Variants in MGAT3 observed in about 807,000 individuals in gnomAD.
MGAT3 encodes GlcNAc-T III.
A neutral mutation model predicts 29.8 loss-of-function variants in MGAT3; 9 were observed. The observed-to-expected ratio is 0.30, with a 90% confidence interval of 0.18 to 0.53. The LOEUF is 0.53. Ranked by LOEUF, MGAT3 falls within the 20% of genes least tolerant of loss-of-function variation. MGAT3 has a pLI of 0.96. For missense variants in MGAT3, 557 were observed against 769.5 expected, an observed-to-expected ratio of 0.72 and a Z score of 3.27; for synonymous variants, 397 against 348.9, an observed-to-expected ratio of 1.14 and a Z score of -1.54.
intron 1 of MGAT3, among the ~76,000 whole-genome samples, chr22:39,482,147 ATT>A (rs11380222): frequency 1.2e-4 from 16 of 134,048 alleles, no homozygotes; most frequent in Admixed American, 1.5e-4. Context: ...GGCACTGCTA[ATT>A]TTTTTTTTTT....
chr22:39,484,430 T>G (rs1209053706), intron 1 of MGAT3, among the ~76,000 whole-genome samples: 1 of 152,104 alleles, frequency 6.6e-6, no homozygotes, highest in South Asian at 2.1e-4. Flanking sequence ...TGGAGTACAG[T>G]GGTGCGATCT....
chr22:39,481,869 CGTGT>C (rs1387432063), intron 1 of MGAT3, among the ~76,000 whole-genome samples: 1 of 152,188 alleles, frequency 6.6e-6, no homozygotes, highest in African/African-American at 2.4e-5. Context: ...AGTACAGTCA[CGTGT>C]GTAACAAGCT....
At chr22:39,478,517 C>T (rs143615735) in intron 1 of MGAT3, among the ~76,000 whole-genome samples, 50 of 152,322 alleles carry the variant, frequency 3.3e-4, no homozygotes, top group African/African-American at 1.1e-3. Context: ...GTCTGAACCA[C>T]GGAGGTGGGT....
Position 39,488,725 on chromosome 22 carries a change from C to A in MGAT3, c.1378C>A (p.Arg460Ser), listed in dbSNP as rs960205656. 2 of 1,613,762 alleles carry A rather than the reference C, an allele frequency of 1.2e-6. No homozygotes were observed. Among genetic ancestry groups the A allele is most frequent in the Non-Finnish European group, 1.7e-6 (2 of 1,179,970 alleles). ...RDLNYIRGLI[R>S]TGGWFDGTQQ... ...CCTGAACTACATCCGCGGCCTGATC[C>A]GCACCGGGGGCTGGTTCGACGGCAC... The change falls in exon 2 of 2, where the codon CGC (arginine) becomes AGC (serine). Residue 460 changes from arginine to serine, a missense_variant. Coordinates refer to ENST00000341184, the MANE Select transcript of MGAT3 (RefSeq NM_002409.5).
intron 1 of MGAT3, among the ~76,000 whole-genome samples, chr22:39,480,741 C>T (rs904114492): frequency 2.6e-5 from 4 of 152,234 alleles, no homozygotes; most frequent in Admixed American, 6.5e-5. Flanking sequence ...CCTGCAGAGA[C>T]AGATGCTGGC....
chr22:39,459,723 G>C (rs738287), intron 1 of MGAT3, among the ~76,000 whole-genome samples: 119,476 of 152,276 alleles, frequency 0.78, 47,312 homozygotes, highest in East Asian at 1. Flanking sequence ...CTGCCTCTAT[G>C]TCCCAAAGTG....
At chr22:39,471,309 T>C (rs1271997335) in intron 1 of MGAT3, among the ~76,000 whole-genome samples, 1 of 152,154 alleles carries the variant, frequency 6.6e-6, no homozygotes, top group Non-Finnish European at 1.5e-5. Context: ...TATGGGGGTC[T>C]CGAGGATTTA....
chr22:39,486,722 A>G (rs574945922), intron 1 of MGAT3, among the ~76,000 whole-genome samples: 43 of 151,792 alleles, frequency 2.8e-4, no homozygotes, highest in African/African-American at 8.7e-4. Context: ...GCTGGTCTCA[A>G]ACTCCTGGGC....
At chr22:39,466,141 G>T (rs1344248833) in intron 1 of MGAT3, among the ~76,000 whole-genome samples, 1 of 152,114 alleles carries the variant, frequency 6.6e-6, no homozygotes, top group Non-Finnish European at 1.5e-5. Flanking sequence ...GTGCTTTCCT[G>T]ATGTTCTAGA....
intron 1 of MGAT3, among the ~76,000 whole-genome samples, chr22:39,459,862 A>G (rs1293556007): frequency 1.3e-5 from 2 of 152,342 alleles, no homozygotes; most frequent in South Asian, 2.1e-4. Flanking sequence ...TGGCTGCGGT[A>G]TTATTACCTG....
intron 1 of MGAT3, among the ~76,000 whole-genome samples, chr22:39,463,687 G>A (rs981022229): frequency 7.9e-5 from 12 of 152,212 alleles, no homozygotes; most frequent in Middle Eastern, 3.4e-3. Context: ...TGAGGCAGGA[G>A]GATTCATTGA....
intron 1 of MGAT3, among the ~76,000 whole-genome samples, chr22:39,483,466 C>T (rs1929184517): frequency 6.6e-6 from 1 of 150,388 alleles, no homozygotes; most frequent in African/African-American, 2.5e-5. Context: ...GCCTGGGCAA[C>T]AAGAGCAAAA....
rs1360772659 is a variant in MGAT3 at position 39,487,787 on chromosome 22, G to A, written c.440G>A (p.Arg147Gln). 8 of 1,490,440 alleles carry A rather than the reference G, an allele frequency of 5.4e-6. No homozygotes were observed. Among genetic ancestry groups the A allele is most frequent in the African/African-American group, 2.8e-5 (2 of 71,110 alleles). The allele number at this position is 1,490,440 out of a possible 1,614,324, so 92.3% of individuals were successfully genotyped here. Reference protein sequence around the residue: ...PEGANGSSARRPPRYLLSARE... With the variant: ...PEGANGSSARQPPRYLLSARE... ...GGGGCCAACGGCTCCTCGGCCCGGC[G>A]GCCACCCCGGTACCTCCTGAGCGCC... is the stretch of plus-strand genomic sequence containing the variant. Residue 147 changes from arginine (R) to glutamine (Q), a missense_variant, in exon 2 of 2, where the codon CGG (arginine) becomes CAG (glutamine). Physicochemically the swap from Arg to Gln is conservative, Grantham distance 43. This residue lies in a region of MGAT3 where 212 missense variants were observed against 228.5 expected (regional missense o/e 0.93). Transcript: ENST00000341184. This position sits in a 1 kb window ranked among gnomAD's most constrained non-coding sequence, Gnocchi z 5.7.
chr22:39,460,449 G>T (rs571192810), intron 1 of MGAT3, among the ~76,000 whole-genome samples: 102 of 152,250 alleles, frequency 6.7e-4, no homozygotes, highest in African/African-American at 2.3e-3. Context: ...CTCTCTCACT[G>T]TGTGACTGTG....
intron 1 of MGAT3, among the ~76,000 whole-genome samples, chr22:39,462,441 C>A (rs1377027287): frequency 1.3e-5 from 2 of 152,252 alleles, no homozygotes; most frequent in African/African-American, 4.8e-5. Flanking sequence ...ATGAATAATT[C>A]TCAGCCCAGG....
intron 1 of MGAT3, among the ~76,000 whole-genome samples, chr22:39,482,832 C>T (rs1347265334): frequency 6.6e-6 from 1 of 152,180 alleles, no homozygotes; most frequent in Admixed American, 6.5e-5. Flanking sequence ...TTCTCAGCAG[C>T]AACCCAGACT....
At chr22:39,483,019 G>T (rs1339678774) in intron 1 of MGAT3, among the ~76,000 whole-genome samples, 1 of 152,232 alleles carries the variant, frequency 6.6e-6, no homozygotes, top group East Asian at 1.9e-4. Flanking sequence ...GGCCCTTTAC[G>T]CCAAGCAGGC....
At chr22:39,461,758 C>T (rs1321741146) in intron 1 of MGAT3, among the ~76,000 whole-genome samples, 2 of 152,146 alleles carry the variant, frequency 1.3e-5, no homozygotes, top group Non-Finnish European at 2.9e-5. Flanking sequence ...TGCTACAGCC[C>T]CTCCCATGTA....
At chr22:39,469,949 G>T (rs1928762100) in intron 1 of MGAT3, among the ~76,000 whole-genome samples, 1 of 152,226 alleles carries the variant, frequency 6.6e-6, no homozygotes, top group Non-Finnish European at 1.5e-5. Flanking sequence ...TGCAGGCTGG[G>T]CCTGCACCCC....
Sources: allele counts gnomAD v4.1 joint callset (sites outside exome capture counted in the v4.1 genomes callset), GRCh38; gene constraint gnomAD v4.1.1; regional missense constraint gnomAD v4.1.1; non-coding constraint Gnocchi (gnomAD v3.1); transcripts MANE v1.5; gene names NCBI Gene and HGNC (gene_info 2026-07-23, HGNC 2026-07-21).